MYO5A: variants seen among roughly 807,000 people sequenced by gnomAD.
The protein encoded by MYO5A is unconventional myosin-Va.
In MYO5A, 98 loss-of-function variants were observed where a neutral mutation model predicts 249.7. The ratio of observed to expected loss-of-function variants is 0.39; its 90% confidence interval spans 0.33 to 0.46. MYO5A has a LOEUF of 0.46. Among genes scored for constraint, MYO5A ranks in the 20% least tolerant of loss-of-function variants. MYO5A has a pLI of 0.98. For missense variants in MYO5A, 1,696 were observed against 2,308.8 expected (o/e 0.73, Z 5.44); for synonymous variants, 778 against 810.6 (o/e 0.96, Z 0.68).
At chr15:52,416,635 G>T (rs1028666597) in intron 4 of MYO5A, among the ~76,000 whole-genome samples, 5 of 152,128 alleles carry the variant, frequency 3.3e-5, no homozygotes, top group African/African-American at 1.2e-4. Flanking sequence ...CATGGGGTGT[G>T]GGGGAGATCT....
intron 1 of MYO5A, among the ~76,000 whole-genome samples, chr15:52,440,777 C>T (rs1357141265): frequency 6.6e-6 from 1 of 152,168 alleles, no homozygotes; most frequent in Non-Finnish European, 1.5e-5. Flanking sequence ...CTGACCAGCC[C>T]TCAAAACCCA....
At position 52,332,968 on chromosome 15, in the gene MYO5A, T is replaced by C. The variant is rs144821875; in HGVS notation, c.4409-2469A>G. Among the ~76,000 whole-genome samples, 5 of 152,116 alleles carry C rather than the reference T, an allele frequency of 3.3e-5. No homozygotes were observed. In the East Asian group the frequency reaches 9.7e-4, roughly 29 times the overall value. On this transcript the variant is annotated intron_variant, in intron 34 of 41. Transcript: ENST00000399233. ...TGATGAAAGCCAAACTCCATCTCAA[T>C]AAATAAATAAATAAAGAGGCAACTA...
chr15:52,515,205 A>C (rs942491903), intron 1 of MYO5A, among the ~76,000 whole-genome samples: 5 of 151,992 alleles, frequency 3.3e-5, no homozygotes, highest in East Asian at 1.9e-4. Context: ...TTAGCTCACA[A>C]GGTCGAGACT....
chr15:52,321,776 A>G (rs2038324146), intron 37 of MYO5A, among the ~76,000 whole-genome samples: 1 of 147,034 alleles, frequency 6.8e-6, no homozygotes, highest in African/African-American at 2.6e-5. Context: ...AATGAAGCAA[A>G]TTGGAGGAAC....
chr15:52,340,180 C>A lies in MYO5A; in HGVS notation c.4239+16G>T, dbSNP rs371252259. On this transcript the variant is annotated intron_variant, in intron 32 of 41. Coordinates refer to ENST00000399233, the MANE Select transcript of MYO5A (RefSeq NM_001382347.1). ...GGCTAGGTTAAGAAGCATGTGGACCCGGCAGCTCTCCTTACCAAGTTTTCG... is the reference window on the plus strand; with the variant it reads ...GGCTAGGTTAAGAAGCATGTGGACCAGGCAGCTCTCCTTACCAAGTTTTCG... 16 of 1,613,942 alleles carry A rather than the reference C, an allele frequency of 9.9e-6. No homozygotes were observed. Among genetic ancestry groups the A allele is most frequent in the Non-Finnish European group, 1.2e-5 (14 of 1,179,884 alleles).
chr15:52,495,408 T>C (rs527996806), intron 1 of MYO5A, among the ~76,000 whole-genome samples: 83 of 152,256 alleles, frequency 5.5e-4, no homozygotes, highest in Middle Eastern at 6.8e-3. Flanking sequence ...GCCAGGAACA[T>C]TGAGGAACTA....
chr15:52,429,458 G>C (rs1374966687), intron 2 of MYO5A, among the ~76,000 whole-genome samples: 2 of 152,156 alleles, frequency 1.3e-5, no homozygotes, highest in Non-Finnish European at 2.9e-5. Flanking sequence ...GGAGGCCGAG[G>C]TGGGTGGATC....
intron 12 of MYO5A, among the ~76,000 whole-genome samples, chr15:52,390,341 C>T (rs999760827): frequency 3.3e-5 from 5 of 152,060 alleles, no homozygotes; most frequent in African/African-American, 9.6e-5. Context: ...TATTATACAT[C>T]GCATGCCTAT....
In MYO5A at chr15:52,331,743, C is replaced by G. The variant is rs1049414517; in HGVS notation, c.4409-1244G>C. 17 of 985,288 alleles carry G rather than the reference C, an allele frequency of 1.7e-5. No homozygotes were observed. The South Asian group carries it at 3.3e-4, about 19-fold the overall frequency. The allele number at this position is 985,288 out of a possible 1,614,324, so 61.0% of individuals were successfully genotyped here. ...TGTGGCATGGAGCCTGGTGACACACCGTCCACCTCATGCTGCAGCAGCACA... is the reference window on the plus strand; with the variant it reads ...TGTGGCATGGAGCCTGGTGACACACGGTCCACCTCATGCTGCAGCAGCACA... On this transcript the variant is annotated intron_variant, in intron 34 of 41. Coordinates refer to ENST00000399233, the MANE Select transcript of MYO5A (RefSeq NM_001382347.1).
rs2042526897 is a variant in MYO5A, at chr15:52,397,188, C to T, written c.1319+13G>A. 3 of 1,613,446 alleles carry T rather than the reference C, an allele frequency of 1.9e-6. No individual in the cohort carries two copies. Among genetic ancestry groups the T allele is most frequent in the Non-Finnish European group, 2.5e-6 (3 of 1,179,928 alleles). Reference sequence around the variant, plus strand: ...AATGTTCTCTGGCAGACCAATTAGCCAAATATACTCACCCGTAAATGTCTA... The same window carrying T: ...AATGTTCTCTGGCAGACCAATTAGCTAAATATACTCACCCGTAAATGTCTA... On this transcript the variant is annotated intron_variant, in intron 10 of 41. Transcript: ENST00000399233.
At chr15:52,323,048 T>G (rs1008963732) in intron 37 of MYO5A, among the ~76,000 whole-genome samples, 1 of 152,232 alleles carries the variant, frequency 6.6e-6, no homozygotes, top group Non-Finnish European at 1.5e-5. Context: ...AATAGTTCAC[T>G]ATTCTGATAT....
At chr15:52,339,411 A>G (rs965322532) in intron 32 of MYO5A, among the ~76,000 whole-genome samples, 1 of 152,140 alleles carries the variant, frequency 6.6e-6, no homozygotes, top group Non-Finnish European at 1.5e-5. Flanking sequence ...ATATGAAATT[A>G]TCACTTTTTA....
intron 14 of MYO5A, among the ~76,000 whole-genome samples, chr15:52,387,131 G>A (rs1236328728): frequency 6.6e-6 from 1 of 152,120 alleles, no homozygotes; most frequent in East Asian, 1.9e-4. Context: ...CTCTCTGTGG[G>A]ATGAACATGA....
chr15:52,404,882 T>C lies in MYO5A; in HGVS notation c.1053+405A>G, dbSNP rs928241109. On this transcript the variant is annotated intron_variant, in intron 9 of 41. Coordinates refer to ENST00000399233, the MANE Select transcript of MYO5A (RefSeq NM_001382347.1). ...TCATGTCATATCATGCCAAGTAAGG[T>C]GTTGGGTCTGCTTCTGAAGGCAGTG... Among the ~76,000 whole-genome samples the C allele has an allele frequency of 1.9e-4, 29 of 152,082 alleles. No homozygotes were observed. The South Asian group carries it at 4.6e-3, about 24-fold the overall frequency.
chr15:52,364,181 T>C (rs889438784), intron 24 of MYO5A, among the ~76,000 whole-genome samples: 2 of 151,542 alleles, frequency 1.3e-5, no homozygotes, highest in African/African-American at 4.9e-5. Flanking sequence ...GAGGTTGCAG[T>C]GAGCCGAGAT....
At chr15:52,523,010 T>C (rs1252848764) in intron 1 of MYO5A, among the ~76,000 whole-genome samples, 1 of 152,202 alleles carries the variant, frequency 6.6e-6, no homozygotes, top group Non-Finnish European at 1.5e-5. Context: ...GCATTTTGCT[T>C]TGTCAAGCTA....
intron 14 of MYO5A, among the ~76,000 whole-genome samples, chr15:52,384,800 G>A (rs1016842584): frequency 6.6e-6 from 1 of 152,260 alleles, no homozygotes; most frequent in South Asian, 2.1e-4. Context: ...TAAGTGCTGA[G>A]CACTAACTGA....
In MYO5A at chr15:52,375,425, G is replaced by T. The variant is rs778785222; in HGVS notation, c.2456C>A (p.Thr819Asn). The T allele has an allele frequency of 8.7e-6, 14 of 1,614,032 alleles. No homozygotes were observed. Among genetic ancestry groups the T allele is most frequent in the Non-Finnish European group, 8.5e-7 (1 of 1,180,026 alleles). ...AKFLRRTKAATIIQKYWRMYV... is the reference protein window; with the variant it reads ...AKFLRRTKAANIIQKYWRMYV... ...CATGCGCCAGTACTTTTGAATGATG[G>T]TTGCTGCCTTGGTTCTGCGCAGAAA... Residue 819 changes from threonine (T) to asparagine (N), a missense_variant, in exon 20 of 42, where the codon ACC (threonine) becomes AAC (asparagine). By Grantham distance (65) the Thr-to-Asn change is moderately conservative (BLOSUM62 0). Around this residue, in one of 5 missense-constraint regions of MYO5A, gnomAD observed 412 missense variants for 453.3 expected, o/e 0.91. Transcript: ENST00000399233.
intron 1 of MYO5A, 128 bp from the exon 2 acceptor site, chr15:52,433,413 CTTTTTTTTTTTTT>C (rs151276395): frequency 1.4e-5 from 4 of 275,920 alleles, no homozygotes; most frequent in Non-Finnish European, 2.7e-5. Context: ...ATGAAATTCA[CTTTTTTTTTTTTT>C]TTTTTTTTTT....
Sources: gnomAD v4.1 joint callset for allele counts (sites outside exome capture counted in the v4.1 genomes callset) on GRCh38, gnomAD v4.1.1 for gene constraint, gnomAD v4.1.1 regional missense constraint, MANE v1.5 for transcripts, NCBI Gene and HGNC (gene_info 2026-07-23, HGNC 2026-07-21) for gene names.